The following STX8 variants were observed in gnomAD, a reference collection of about 807,000 sequenced individuals.
STX8 encodes the protein syntaxin-8.
A neutral mutation model predicts 37.5 loss-of-function variants in STX8; 23 were observed. The observed-to-expected ratio is 0.61, with a 90% CI of 0.44 to 0.87. STX8 has a LOEUF of 0.87. Ranked by LOEUF, STX8 falls within the 40% of genes least tolerant of loss-of-function variation. STX8 has a pLI of 0.00. For synonymous variants in STX8, 115 were observed against 99.1 expected (o/e 1.16, Z -0.95); for missense variants, 313 against 284.7 (o/e 1.10, Z -0.71).
intron 7 of STX8, among the ~76,000 whole-genome samples, chr17:9,251,417 C>A (rs1323152234): frequency 1.3e-5 from 2 of 152,214 alleles, no homozygotes; most frequent in African/African-American, 4.8e-5. Flanking sequence ...GTGTTTACCA[C>A]GTGCCAGGTA....
intron 6 of STX8, among the ~76,000 whole-genome samples, chr17:9,411,923 G>A (rs1463369853): frequency 6.6e-6 from 1 of 152,070 alleles, no homozygotes; most frequent in Non-Finnish European, 1.5e-5. Context: ...TCCTACTAAT[G>A]GGATGCATGA....
intron 4 of STX8, among the ~76,000 whole-genome samples, chr17:9,536,517 G>A (rs1906064175): frequency 1.3e-5 from 2 of 152,064 alleles, no homozygotes; most frequent in African/African-American, 4.8e-5. Flanking sequence ...CTAAACCCAG[G>A]CACCCCCTTA....
At chr17:9,297,413 C>A (rs548283570) in intron 7 of STX8, among the ~76,000 whole-genome samples, 2 of 152,132 alleles carry the variant, frequency 1.3e-5, no homozygotes, top group Non-Finnish European at 2.9e-5. Context: ...GCCAAGGAAG[C>A]TTAGAGTCAG....
intron 7 of STX8, among the ~76,000 whole-genome samples, chr17:9,339,853 G>C (rs545312494): frequency 6.6e-6 from 1 of 152,174 alleles, no homozygotes; most frequent in Non-Finnish European, 1.5e-5. Context: ...CTTTGAAAGC[G>C]CCATGGATAC....
intron 7 of STX8, among the ~76,000 whole-genome samples, chr17:9,287,230 TG>T (rs1908108460): frequency 6.6e-6 from 1 of 152,196 alleles, no homozygotes; most frequent in Admixed American, 6.5e-5. Context: ...ACAGCAGATT[TG>T]GGGTGGGGCA....
intron 1 of STX8, 66 bp downstream of exon 1, chr17:9,575,726 T>A: frequency 6.5e-7 from 1 of 1,538,340 alleles, no homozygotes; most frequent in East Asian, 2.5e-5. Context: ...AGTGATTGCC[T>A]GCTCTCCGGA....
chr17:9,266,053 C>T (rs752290520), intron 7 of STX8, among the ~76,000 whole-genome samples: 20 of 151,972 alleles, frequency 1.3e-4, no homozygotes, highest in Non-Finnish European at 1.9e-4. Flanking sequence ...GGAAACATTG[C>T]GGGTAAGACT....
At chr17:9,516,575 C>T (rs1353686943) in intron 4 of STX8, among the ~76,000 whole-genome samples, 1 of 151,732 alleles carries the variant, frequency 6.6e-6, no homozygotes, top group Admixed American at 6.6e-5. Context: ...ACTCACTGAC[C>T]TTCACTCAGA....
chr17:9,387,334 C>CA (rs1232998128), intron 6 of STX8, among the ~76,000 whole-genome samples: 1 of 150,100 alleles, frequency 6.7e-6, no homozygotes, highest in Non-Finnish European at 1.5e-5. Flanking sequence ...TGCGCTCTGT[C>CA]ACTCAGGCTG....
intron 6 of STX8, among the ~76,000 whole-genome samples, chr17:9,423,900 C>G (rs932433896): frequency 3.9e-5 from 6 of 152,162 alleles, no homozygotes; most frequent in Non-Finnish European, 7.3e-5. Context: ...GAGAAGCATA[C>G]CACATCTGTC....
chr17:9,335,105 A>T (rs1910094134), intron 7 of STX8, among the ~76,000 whole-genome samples: 1 of 151,776 alleles, frequency 6.6e-6, no homozygotes, highest in African/African-American at 2.4e-5. Flanking sequence ...TCACCCCACC[A>T]CTCTGACTCA....
chr17:9,384,572 A>C (rs1911924633), intron 6 of STX8, among the ~76,000 whole-genome samples: 1 of 151,956 alleles, frequency 6.6e-6, no homozygotes, highest in Admixed American at 6.5e-5. Flanking sequence ...CGGGAGGCGG[A>C]GCTTGCAGAG....
In STX8 at chr17:9,330,045, G is replaced by A. The variant is rs1396195831; in HGVS notation, c.643+48507C>T. Among the ~76,000 whole-genome samples the A allele has an allele frequency of 2.0e-5, 3 of 152,230 alleles. No individual in the cohort carries two copies. The South Asian group carries it at 6.2e-4, about 32-fold the overall frequency. ...AGAGGGGAGCAGAGGGCAGAGGTGC[G>A]ATACCCTGGGAGGTCCCGCGGCTTC... On this transcript the variant is annotated intron_variant, in intron 7 of 7. Coordinates refer to ENST00000306357, the MANE Select transcript of STX8 (RefSeq NM_004853.3).
chr17:9,289,814 A>T (rs1335749678), intron 7 of STX8, among the ~76,000 whole-genome samples: 1 of 152,128 alleles, frequency 6.6e-6, no homozygotes, highest in African/African-American at 2.4e-5. Context: ...ACACAAAGGG[A>T]AAAATGACAA....
chr17:9,452,128 A>T (rs1171605777), intron 6 of STX8: 2 of 152,078 alleles, frequency 1.3e-5, no homozygotes, highest in African/African-American at 4.8e-5. Flanking sequence ...TAGTAACTAT[A>T]ACTTAATTTA....
intron 7 of STX8, among the ~76,000 whole-genome samples, chr17:9,300,600 G>A (rs1041723691): frequency 5.9e-5 from 9 of 151,906 alleles, no homozygotes; most frequent in African/African-American, 1.9e-4. Context: ...GGTTATGAGT[G>A]TTATATGAGA....
intron 6 of STX8, among the ~76,000 whole-genome samples, chr17:9,381,667 A>G (rs56400713): frequency 0.18 from 27,912 of 152,236 alleles, 2,769 homozygotes; most frequent in Non-Finnish European, 0.22. Flanking sequence ...AAGATAAAAT[A>G]AATATGAAAA....
intron 6 of STX8, among the ~76,000 whole-genome samples, chr17:9,426,959 T>C (rs1057404545): frequency 1.3e-5 from 2 of 152,184 alleles, no homozygotes; most frequent in African/African-American, 2.4e-5. Context: ...AGTTAAGAGA[T>C]AGAAAGATAG....
intron 7 of STX8, among the ~76,000 whole-genome samples, chr17:9,307,124 AAAAT>A (rs1298123664): frequency 3.3e-5 from 5 of 152,318 alleles, no homozygotes; most frequent in South Asian, 2.1e-4. Context: ...TCCGTCTCAA[AAAAT>A]AAATAAATAA....
Sources: allele counts gnomAD v4.1 joint callset (sites outside exome capture counted in the v4.1 genomes callset), GRCh38; gene constraint gnomAD v4.1.1; transcripts MANE v1.5; gene names NCBI Gene and HGNC (gene_info 2026-07-23, HGNC 2026-07-21).